The following ATRNL1 variants were observed in gnomAD, a reference collection of about 807,000 sequenced individuals.
ATRNL1 encodes attractin-like protein 1.
In ATRNL1, 95 loss-of-function variants were observed where a neutral mutation model predicts 182.7. The observed-to-expected ratio is 0.52, with a 90% CI of 0.44 to 0.62. The LOEUF is 0.62. ATRNL1 is among the 20% of genes least tolerant of loss of function. The probability of loss-of-function intolerance (pLI) is 0.00; values close to 1 mark genes in which losing one functional copy is unlikely to be tolerated. For synonymous variants in ATRNL1, 576 were observed against 568.3 expected (o/e 1.01, Z -0.19); for missense variants, 1,471 against 1,679.5 (o/e 0.88, Z 2.17).
intron 26 of ATRNL1, among the ~76,000 whole-genome samples, chr10:115,579,190 T>C (rs959849223): frequency 6.6e-6 from 1 of 151,792 alleles, no homozygotes; most frequent in African/African-American, 2.4e-5. Flanking sequence ...TTGAATAGAA[T>C]GTTCTATATA....
chr10:115,265,220 A>G lies in ATRNL1; in HGVS notation c.1715A>G (p.Lys572Arg). 2 of 1,608,262 alleles carry G rather than the reference A, an allele frequency of 1.2e-6. No individual in the cohort carries two copies. Among genetic ancestry groups the G allele is most frequent in the South Asian group, 1.1e-5 (1 of 90,316 alleles). Residue 572 changes from lysine to arginine, a missense_variant, in exon 11 of 29, where the codon AAA becomes AGA. Around this residue, in one of 3 missense-constraint regions of ATRNL1, gnomAD observed 1,031 missense variants for 1,156.0 expected, o/e 0.89. Transcript: ENST00000355044. ...TGTGATGAATGGAAAATACTACCAA[A>G]ACCAAATCTTCATAGAGATGTCAAC... ...IACDEWKILP[K>R]PNLHRDVNRF...
In ATRNL1 at chr10:115,215,854, TA is replaced by T. The variant is rs782379571; in HGVS notation, c.1509del (p.Lys503AsnfsTer12). On this transcript the variant is annotated frameshift_variant, in exon 9 of 29. Coordinates refer to ENST00000355044, the MANE Select transcript of ATRNL1 (RefSeq NM_207303.4). LOFTEE classifies it high-confidence loss of function. ...NKYGLVDDLY[K>X]YEVNTKTWTI... ...AATATGGATTGGTTGATGATCTTTA[TA>T]AATATGAAGTTAACACTAAGACTTG... 6.3e-7 allele frequency: 1 copy of T among 1,578,024 alleles called. No individual in the cohort carries two copies. The highest frequency in any genetic ancestry group is 2.3e-5 in the East Asian group (1 of 43,018).
At chr10:115,559,954 A>T (rs547849621) in intron 26 of ATRNL1, among the ~76,000 whole-genome samples, 1 of 152,202 alleles carries the variant, frequency 6.6e-6, no homozygotes, top group African/African-American at 2.4e-5. Flanking sequence ...AGCTATCTCT[A>T]TTTGCAAATA....
chr10:115,797,516 G>T (rs782816747), intron 27 of ATRNL1, among the ~76,000 whole-genome samples: 2 of 151,996 alleles, frequency 1.3e-5, no homozygotes, highest in Non-Finnish European at 2.9e-5. Context: ...CCAATTTTTG[G>T]ACTGACACTG....
At chr10:115,878,846 T>G (rs1266852914) in intron 28 of ATRNL1, among the ~76,000 whole-genome samples, 2 of 152,046 alleles carry the variant, frequency 1.3e-5, no homozygotes, top group Admixed American at 1.3e-4. Context: ...TGTAGAAAAA[T>G]TTACCTCCTG....
At chr10:115,250,798 T>C (rs1410007885) in intron 10 of ATRNL1, among the ~76,000 whole-genome samples, 1 of 152,222 alleles carries the variant, frequency 6.6e-6, no homozygotes, top group Non-Finnish European at 1.5e-5. Context: ...CTTTGAAGCA[T>C]ATGTCTTAAG....
intron 19 of ATRNL1, among the ~76,000 whole-genome samples, chr10:115,348,513 C>G (rs897375499): frequency 6.6e-6 from 1 of 151,802 alleles, no homozygotes; most frequent in Non-Finnish European, 1.5e-5. Flanking sequence ...TTATTTTTGT[C>G]ATATTATTTC....
intron 27 of ATRNL1, among the ~76,000 whole-genome samples, chr10:115,761,843 A>G (rs1555073695): frequency 5.9e-5 from 9 of 152,202 alleles, no homozygotes; most frequent in Non-Finnish European, 1.3e-4. Context: ...TGAGAATTAA[A>G]TGAGCTAAAA....
chr10:115,334,358 G>T lies in ATRNL1; in HGVS notation c.3114G>T (p.Lys1038Asn). Residue 1038 changes from lysine to asparagine, a missense_variant, in exon 19 of 29, where the codon AAG becomes AAT. Lys to Asn is a moderately conservative substitution (Grantham distance 94). Around this residue, in one of 3 missense-constraint regions of ATRNL1, gnomAD observed 437 missense variants for 506.0 expected, o/e 0.86. Coordinates refer to ENST00000355044, the MANE Select transcript of ATRNL1 (RefSeq NM_207303.4). Reference protein sequence around the residue: ...CEQCKNLTTGKQCQDCMPGYY... With the variant: ...CEQCKNLTTGNQCQDCMPGYY... ...AGTGTAAAAATCTCACCACAGGAAA[G>T]CAGTGTCAAGATTGTATGCCAGGTT... 6.2e-7 allele frequency: 1 copy of T among 1,607,962 alleles called. No individual in the cohort carries two copies. Among genetic ancestry groups the T allele is most frequent in the Non-Finnish European group, 8.5e-7 (1 of 1,175,592 alleles).
chr10:115,213,306 A>C (rs1564825022), intron 8 of ATRNL1, among the ~76,000 whole-genome samples: 1 of 152,072 alleles, frequency 6.6e-6, no homozygotes, highest in African/African-American at 2.4e-5. Flanking sequence ...TTGCAGTCTT[A>C]GGCCTTGTGG....
chr10:115,938,412 A>T (rs1953627175), intron 28 of ATRNL1, among the ~76,000 whole-genome samples: 1 of 152,226 alleles, frequency 6.6e-6, no homozygotes, highest in South Asian at 2.1e-4. Context: ...TCTTCAGGTC[A>T]TGTTTTCACA....
chr10:115,853,017 G>A (rs1555100947), intron 28 of ATRNL1, among the ~76,000 whole-genome samples: 1 of 152,110 alleles, frequency 6.6e-6, no homozygotes, highest in African/African-American at 2.4e-5. Flanking sequence ...ATGTGACCAT[G>A]GGCAAGTCTT....
Position 115,129,351 on chromosome 10 carries a change from C to T in ATRNL1, c.645C>T (p.Cys215=), listed in dbSNP as rs782369767. 229 of 1,612,794 alleles carry T rather than the reference C, an allele frequency of 1.4e-4. 6 individuals carry two copies. The South Asian group carries it at 2.4e-3, about 17-fold the overall frequency. The change falls in exon 5 of 29, where the codon TGC becomes TGT. Residue 215 remains cysteine (C), a synonymous_variant. Transcript: ENST00000355044. ...GAATCAATTCTTGTCCTAACAATTG[C>T]TCTGGTCATGGGAAGTGTACAACTA... ...FYSINSCPNN[C]SGHGKCTTSV... is the part of the protein sequence containing the mutation.
chr10:115,180,870 A>G (rs1414265448), intron 8 of ATRNL1, among the ~76,000 whole-genome samples: 1 of 151,948 alleles, frequency 6.6e-6, no homozygotes, highest in African/African-American at 2.4e-5. Flanking sequence ...GTTTTTTGGT[A>G]AGGGTTCAGA....
chr10:115,899,752 GT>G (rs1250039130), intron 28 of ATRNL1, among the ~76,000 whole-genome samples: 4 of 152,142 alleles, frequency 2.6e-5, no homozygotes, highest in Non-Finnish European at 5.9e-5. Context: ...TTTTACTGTA[GT>G]TTTTCCACTT....
chr10:115,635,670 C>G (rs899941074), intron 26 of ATRNL1, among the ~76,000 whole-genome samples: 2 of 152,110 alleles, frequency 1.3e-5, no homozygotes, highest in South Asian at 4.1e-4. Flanking sequence ...TTTGCCAAAA[C>G]CACCATACAA....
chr10:115,353,360 C>T (rs1174103354), intron 19 of ATRNL1, among the ~76,000 whole-genome samples: 3 of 152,086 alleles, frequency 2.0e-5, no homozygotes, highest in African/African-American at 7.2e-5. Flanking sequence ...GCCTTGAAAT[C>T]TATTTTATCT....
At chr10:115,473,094 A>C (rs1304332229) in intron 24 of ATRNL1, among the ~76,000 whole-genome samples, 2 of 151,308 alleles carry the variant, frequency 1.3e-5, no homozygotes, top group Admixed American at 1.3e-4. Flanking sequence ...GCATCTATTG[A>C]GATGATCATA....
chr10:115,308,120 A>G (rs983125614), intron 17 of ATRNL1, among the ~76,000 whole-genome samples: 6 of 152,150 alleles, frequency 3.9e-5, no homozygotes, highest in Non-Finnish European at 7.4e-5. Flanking sequence ...AACAAATAGG[A>G]TTTTGCAATA....
Sources: gnomAD v4.1 joint callset for allele counts (sites outside exome capture counted in the v4.1 genomes callset) on GRCh38, gnomAD v4.1.1 for gene constraint, gnomAD v4.1.1 regional missense constraint, MANE v1.5 for transcripts, NCBI Gene and HGNC (gene_info 2026-07-23, HGNC 2026-07-21) for gene names.